The following FNTA variants were observed in gnomAD, a reference collection of about 807,000 sequenced individuals.
FNTA encodes the protein farnesyltransferase, CAAX box, subunit alpha.
Under a neutral mutation model 55.2 loss-of-function variants are expected in FNTA, and 27 were observed. The observed-to-expected ratio is 0.49, with a 90% confidence interval of 0.36 to 0.67. The LOEUF (loss-of-function observed/expected upper bound fraction) is 0.67, where lower values mean the gene tolerates loss of function less well. Among genes scored for constraint, FNTA ranks in the 30% least tolerant of loss-of-function variants. The pLI is 0.00. For missense variants in FNTA, 422 were observed against 464.7 expected (o/e 0.91, Z 0.85); for synonymous variants, 176 against 170.7 (o/e 1.03, Z -0.24).
At position 43,084,885 on chromosome 8, in the gene FNTA, A is replaced by C; in HGVS notation, c.1017+4A>C. 1 of 1,613,232 alleles carries C rather than the reference A, an allele frequency of 6.2e-7. No individual in the cohort carries two copies. Among genetic ancestry groups the C allele is most frequent in the African/African-American group, 1.3e-5 (1 of 75,014 alleles). On this transcript the variant is annotated splice_donor_region_variant and intron_variant, in intron 8 of 8. Coordinates refer to ENST00000302279, the MANE Select transcript of FNTA (RefSeq NM_002027.3). ...CATTCTTAATAAAGCATTAGAGGTA[A>C]GCTGGTGGGGCTCAGTGCTGTCATT...
At chr8:43,061,868 C>T (rs1035966783) in intron 2 of FNTA, among the ~76,000 whole-genome samples, 5 of 151,712 alleles carry the variant, frequency 3.3e-5, no homozygotes, top group African/African-American at 7.3e-5. Flanking sequence ...TACAGGCTTG[C>T]GACACCACAC....
At chr8:43,058,703 G>GGAGGCA (rs1810467223) in intron 1 of FNTA, among the ~76,000 whole-genome samples, 2 of 152,172 alleles carry the variant, frequency 1.3e-5, no homozygotes, top group African/African-American at 4.8e-5. Flanking sequence ...GTTGAACCCA[G>GGAGGCA]GAGGCAGAGG....
intron 3 of FNTA, among the ~76,000 whole-genome samples, chr8:43,066,956 GGA>G (rs1333525329): frequency 1.3e-5 from 2 of 152,186 alleles, no homozygotes; most frequent in Non-Finnish European, 2.9e-5. Flanking sequence ...GAAGATGGTA[GGA>G]GAGTCTCACT....
intron 4 of FNTA, chr8:43,069,961 A>G (rs959370522): frequency 9.7e-6 from 2 of 207,004 alleles, no homozygotes; most frequent in Non-Finnish European, 2.0e-5. Flanking sequence ...TTATTTAAAA[A>G]CTACCACTGT....
At chr8:43,071,826 CT>C (rs1810799771) in intron 4 of FNTA, among the ~76,000 whole-genome samples, 1 of 152,094 alleles carries the variant, frequency 6.6e-6, no homozygotes, top group African/African-American at 2.4e-5. Flanking sequence ...TTTGATGACA[CT>C]TTGCACTTAG....
intron 5 of FNTA, among the ~76,000 whole-genome samples, chr8:43,074,590 GAAAT>G (rs921838089): frequency 2.6e-5 from 4 of 151,956 alleles, no homozygotes; most frequent in African/African-American, 9.7e-5. Flanking sequence ...CCAGTCAAAA[GAAAT>G]GAATGATCCA....
At chr8:43,070,664 A>G (rs1032797155) in intron 4 of FNTA, among the ~76,000 whole-genome samples, 6 of 152,256 alleles carry the variant, frequency 3.9e-5, no homozygotes, top group African/African-American at 1.4e-4. Flanking sequence ...AGTAGCTGCT[A>G]TGGAAAGCCC....
At chr8:43,065,069 C>T (rs1356069209) in intron 3 of FNTA, among the ~76,000 whole-genome samples, 5 of 151,582 alleles carry the variant, frequency 3.3e-5, no homozygotes, top group Admixed American at 6.6e-5. Flanking sequence ...CTCCTGACCT[C>T]GTGATCCGCC....
intron 6 of FNTA, chr8:43,079,876 C>T (rs190900677): frequency 6.4e-6 from 1 of 155,432 alleles, no homozygotes; most frequent in Non-Finnish European, 1.4e-5. Context: ...GATTCCAGCC[C>T]TCATGGATGA....
chr8:43,078,306 G>T (rs1178038408), intron 6 of FNTA: 1 of 151,616 alleles, frequency 6.6e-6, no homozygotes, highest in African/African-American at 2.4e-5. Context: ...GGCATACCTG[G>T]TTTTTTGAGC....
At chr8:43,083,922 A>C (rs1373803170) in intron 7 of FNTA, among the ~76,000 whole-genome samples, 1 of 152,140 alleles carries the variant, frequency 6.6e-6, no homozygotes, top group Non-Finnish European at 1.5e-5. Flanking sequence ...AAAATATACA[A>C]ATTAGCTGAG....
intron 4 of FNTA, among the ~76,000 whole-genome samples, chr8:43,071,741 A>G (rs939118998): frequency 1.3e-5 from 2 of 152,180 alleles, no homozygotes; most frequent in African/African-American, 2.4e-5. Flanking sequence ...ACAACTTGCA[A>G]CTTGTCATAG....
intron 2 of FNTA, 95 bp from the exon 3 acceptor site, chr8:43,064,006 C>A: frequency 1.3e-6 from 1 of 776,214 alleles, no homozygotes; most frequent in African/African-American, 1.8e-5. Flanking sequence ...GATACACAGG[C>A]CAATAAAATA....
intron 7 of FNTA, among the ~76,000 whole-genome samples, chr8:43,084,363 G>A (rs1334535271): frequency 6.6e-6 from 1 of 151,588 alleles, no homozygotes; most frequent in Non-Finnish European, 1.5e-5. Context: ...GAGACTATAG[G>A]TGCCACCACT....
intron 1 of FNTA, chr8:43,056,786 C>T (rs1002343640): frequency 1.7e-4 from 30 of 174,392 alleles, no homozygotes; most frequent in Middle Eastern, 2.6e-3. Context: ...CTGCTTTAAG[C>T]CACGCGGAAA....
At chr8:43,063,144 G>C (rs1164853081) in intron 2 of FNTA, 1 of 366,098 alleles carries the variant, frequency 2.7e-6, no homozygotes, top group Non-Finnish European at 5.4e-6. Flanking sequence ...CGGTGCTTGC[G>C]ATCATGGCTC....
At chr8:43,062,044 A>G (rs1810544970) in intron 2 of FNTA, among the ~76,000 whole-genome samples, 2 of 152,084 alleles carry the variant, frequency 1.3e-5, no homozygotes, top group Non-Finnish European at 2.9e-5. Context: ...AATTAAAAGA[A>G]TAATGTTTCA....
At chr8:43,060,075 C>T (rs545944816) in intron 2 of FNTA, among the ~76,000 whole-genome samples, 93 of 152,240 alleles carry the variant, frequency 6.1e-4, no homozygotes, top group Non-Finnish European at 1.1e-3. Flanking sequence ...AGAGTTGTAT[C>T]CCTATCATTC....
chr8:43,082,716 T>G (rs1161258718), intron 6 of FNTA: 1 of 155,118 alleles, frequency 6.4e-6, no homozygotes, highest in Non-Finnish European at 1.4e-5. Flanking sequence ...CTGACACAAG[T>G]GAAAGTGTGT....
Sources: gnomAD v4.1 joint callset for allele counts (sites outside exome capture counted in the v4.1 genomes callset) on GRCh38, gnomAD v4.1.1 for gene constraint, MANE v1.5 for transcripts, NCBI Gene and HGNC (gene_info 2026-07-23, HGNC 2026-07-21) for gene names.